ZFAT: variants seen among roughly 807,000 people sequenced by gnomAD.
ZFAT encodes the protein zinc finger and AT-hook domain containing.
ZFAT carries 64 observed loss-of-function variants against 117.7 expected under a neutral mutation model. The observed-to-expected ratio is 0.54, with a 90% CI of 0.44 to 0.67. ZFAT has a LOEUF of 0.67. Among genes scored for constraint, ZFAT ranks in the 30% least tolerant of loss-of-function variants. ZFAT has a pLI of 0.00. For synonymous variants in ZFAT, 679 were observed against 615.0 expected (o/e 1.10, Z -1.54); for missense variants, 1,433 against 1,584.5 (o/e 0.90, Z 1.62).
the ZFAT span, among the ~76,000 whole-genome samples, chr8:134,818,225 G>A: frequency 1.3e-5 from 2 of 152,270 alleles, no homozygotes; most frequent in East Asian, 3.9e-4. Flanking sequence ...AAAAATATTT[G>A]CAAATCATAA....
At chr8:134,628,728 T>A (rs1457890299) in intron 3 of ZFAT, among the ~76,000 whole-genome samples, 6 of 152,192 alleles carry the variant, frequency 3.9e-5, no homozygotes, top group Non-Finnish European at 8.8e-5. Context: ...TGAGTCTACA[T>A]CCCTGGTCCA....
chr8:134,664,584 A>G (rs1462021885), intron 1 of ZFAT, among the ~76,000 whole-genome samples: 1 of 152,248 alleles, frequency 6.6e-6, no homozygotes, highest in South Asian at 2.1e-4. Flanking sequence ...GGGCAGCTGC[A>G]ATCACTGGGT....
At chr8:134,583,798 A>G (rs1363866793) in intron 10 of ZFAT, 34 bp downstream of exon 10, 3 of 1,608,646 alleles carry the variant, frequency 1.9e-6, no homozygotes, top group Non-Finnish European at 2.5e-6. Context: ...CCACACATTT[A>G]GAGGGGAAAG....
intron 1 of ZFAT, among the ~76,000 whole-genome samples, chr8:134,667,754 T>C (rs946233909): frequency 6.6e-6 from 1 of 151,982 alleles, no homozygotes; most frequent in Non-Finnish European, 1.5e-5. Flanking sequence ...GCTCGTCGGA[T>C]AGTGGAGACA....
At chr8:134,649,165 T>TCTCACACACACACACACACA (rs1554614264) in intron 2 of ZFAT, among the ~76,000 whole-genome samples, 19 of 77,058 alleles carry the variant, frequency 2.5e-4, no homozygotes, top group African/African-American at 6.4e-4. Context: ...CATCTATCTC[T>TCTCACACACACACACACACA]CACACACACA....
intron 11 of ZFAT, among the ~76,000 whole-genome samples, chr8:134,560,514 A>T (rs1252239758): frequency 6.6e-6 from 1 of 152,244 alleles, no homozygotes; most frequent in Non-Finnish European, 1.5e-5. Flanking sequence ...CGGCTCTGTC[A>T]TTGAGAACAT....
chr8:134,798,539 A>T, the ZFAT span, among the ~76,000 whole-genome samples: 1 of 152,126 alleles, frequency 6.6e-6, no homozygotes, highest in Non-Finnish European at 1.5e-5. Context: ...AACTGTAAGT[A>T]GAATGTTTCA....
the ZFAT span, among the ~76,000 whole-genome samples, chr8:134,725,327 A>G: frequency 6.6e-6 from 1 of 152,174 alleles, no homozygotes; most frequent in African/African-American, 2.4e-5. Flanking sequence ...ATTTATAAAG[A>G]GGATGAATTG....
At chr8:134,654,507 C>T (rs58592619) in intron 2 of ZFAT, among the ~76,000 whole-genome samples, 4,270 of 152,166 alleles carry the variant, frequency 0.028, 228 homozygotes, top group African/African-American at 0.098. Context: ...TCCAGCTGTT[C>T]GGCTATAGAA....
the ZFAT span, among the ~76,000 whole-genome samples, chr8:134,719,221 A>T: frequency 6.6e-6 from 1 of 152,194 alleles, no homozygotes; most frequent in Non-Finnish European, 1.5e-5. Context: ...AAGGGGGAGG[A>T]TTTGGAAGCC....
chr8:134,751,445 C>T, the ZFAT span, among the ~76,000 whole-genome samples: 6 of 152,160 alleles, frequency 3.9e-5, no homozygotes, highest in Non-Finnish European at 5.9e-5. Context: ...TTGACAGGAA[C>T]AAGGCAGAGA....
At position 134,645,928 on chromosome 8, in the gene ZFAT, C is replaced by A. The variant is rs550602931; in HGVS notation, c.197-8216G>T. On this transcript the variant is annotated intron_variant, in intron 2 of 15. Coordinates refer to ENST00000377838, the MANE Select transcript of ZFAT (RefSeq NM_020863.4). Reference sequence around the variant, plus strand: ...ATAAATTTAAAAGAACTGAGCCAGGCGCAGTGGCTCACGCCTGTAATCCCA... The same window carrying A: ...ATAAATTTAAAAGAACTGAGCCAGGAGCAGTGGCTCACGCCTGTAATCCCA... Among the ~76,000 whole-genome samples, 18 of 152,216 alleles carry A rather than the reference C, an allele frequency of 1.2e-4. No homozygotes were observed. In the South Asian group the frequency reaches 3.7e-3, roughly 32 times the overall value.
the ZFAT span, among the ~76,000 whole-genome samples, chr8:134,790,715 T>C: frequency 3.9e-5 from 6 of 152,200 alleles, no homozygotes; most frequent in African/African-American, 1.2e-4. Flanking sequence ...ATTCCTTCTG[T>C]TTTAAAATTT....
the ZFAT span, among the ~76,000 whole-genome samples, chr8:134,829,304 G>A: frequency 6.6e-6 from 1 of 152,186 alleles, no homozygotes; most frequent in Admixed American, 6.5e-5. Flanking sequence ...CATTTGATGT[G>A]TGGCCCAAGA....
chr8:134,726,482 C>T, the ZFAT span, among the ~76,000 whole-genome samples: 9 of 152,326 alleles, frequency 5.9e-5, no homozygotes, highest in East Asian at 1.7e-3. Context: ...GTCATATATA[C>T]CAGTTGAACG....
At chr8:134,676,917 T>C (rs1045186205) in intron 1 of ZFAT, among the ~76,000 whole-genome samples, 11 of 152,152 alleles carry the variant, frequency 7.2e-5, no homozygotes, top group African/African-American at 2.2e-4. Flanking sequence ...AGACACAACA[T>C]ACCAGAATCT....
At chr8:134,610,789 A>G (rs1458952283) in intron 3 of ZFAT, 134 bp from the exon 4 acceptor site, 55 of 979,770 alleles carry the variant, frequency 5.6e-5, no homozygotes, top group Non-Finnish European at 6.6e-5. Flanking sequence ...AGACCACGGA[A>G]TCACTGTAGG....
intron 15 of ZFAT, among the ~76,000 whole-genome samples, chr8:134,484,642 A>C (rs139819329): frequency 1.0e-3 from 157 of 152,340 alleles, no homozygotes; most frequent in African/African-American, 3.7e-3. Flanking sequence ...CTAGTCTGCA[A>C]AATTCCCCAG....
rs1254956260 is a variant in ZFAT at position 134,520,866 on chromosome 8, A to G, written c.3234+17T>C. 6.2e-7 allele frequency: 1 copy of G among 1,601,070 alleles called. No homozygotes were observed. Among genetic ancestry groups the G allele is most frequent in the Non-Finnish European group, 8.6e-7 (1 of 1,169,016 alleles). On this transcript the variant is annotated intron_variant, in intron 13 of 15. Coordinates refer to ENST00000377838, the MANE Select transcript of ZFAT (RefSeq NM_020863.4). ...GTTTTGAAATGTCAAGATTAATACC[A>G]TACTTAAAAAAATTACCTCCCACTT...
Sources: gnomAD v4.1 joint callset for allele counts (sites outside exome capture counted in the v4.1 genomes callset) on GRCh38, gnomAD v4.1.1 for gene constraint, MANE v1.5 for transcripts, NCBI Gene and HGNC (gene_info 2026-07-23, HGNC 2026-07-21) for gene names.